The following CUL4B variants were observed in gnomAD, a reference collection of about 807,000 sequenced individuals.
CUL4B encodes the protein cullin 4B.
Under a neutral mutation model 69.2 loss-of-function variants are expected in CUL4B, and 1 was observed. That is an observed-to-expected ratio of 0.01 (90% CI 0.01 to 0.07). The LOEUF (loss-of-function observed/expected upper bound fraction) is 0.07, where lower values mean the gene tolerates loss of function less well. Among genes scored for constraint, CUL4B ranks in the 10% least tolerant of loss-of-function variants. The pLI, the probability that CUL4B is intolerant of heterozygous loss-of-function variation, is 1.00. For missense variants in CUL4B, 328 were observed against 638.8 expected (o/e 0.51, Z 5.24); for synonymous variants, 237 against 223.2 (o/e 1.06, Z -0.55).
exon 3 of CUL4B, chrX:120,571,261 C>T (rs1345242052): frequency 9.1e-6 from 1 of 110,358 alleles, no homozygotes; most frequent in Non-Finnish European, 1.9e-5. Context: ...ACACAAGTCG[C>T]CATAGTGTTT....
chrX:120,542,911 C>T (rs1924080440), intron 9 of CUL4B, 55 bp downstream of exon 9: 2 of 880,027 alleles, frequency 2.3e-6, no homozygotes. Context: ...AAATTCCCTA[C>T]TAGTTTGCCA....
upstream of CUL4B, among the ~76,000 whole-genome samples, chrX:120,566,369 A>ATGTATATATATATATATATATG (rs1187917327): frequency 5.3e-4 from 30 of 56,463 alleles, 1 homozygote; most frequent in African/African-American, 1.6e-3. Context: ...ATATATATAT[A>ATGTATATATATATATATATATG]TATATATATA....
chrX:120,566,371 A>ATG (rs1213048362), upstream of CUL4B, among the ~76,000 whole-genome samples: 4 of 60,031 alleles, frequency 6.7e-5, no homozygotes, highest in South Asian at 7.6e-4. Flanking sequence ...ATATATATAT[A>ATG]TATATATATA....
downstream of CUL4B, among the ~76,000 whole-genome samples, chrX:120,568,573 C>T (rs1925621777): frequency 8.9e-6 from 1 of 111,922 alleles, no homozygotes; most frequent in African/African-American, 3.2e-5. Context: ...TTTGGTCATT[C>T]AACAAAAATA....
chrX:120,542,435 CT>C (rs1924051044), intron 9 of CUL4B, among the ~76,000 whole-genome samples: 1 of 110,778 alleles, frequency 9.0e-6, no homozygotes, highest in Admixed American at 9.6e-5. Context: ...AGGCTTTTAC[CT>C]ATTTGCGGCA....
At chrX:120,530,339 A>G in intron 18 of CUL4B, 85 bp from the exon 19 acceptor site, 1 of 901,932 alleles carries the variant, frequency 1.1e-6, no homozygotes, top group Admixed American at 2.2e-5. Context: ...GGGACATGAC[A>G]TTGTTATTGC....
chrX:120,560,703 TAGGAG>T lies in CUL4B; in HGVS notation c.-70_-66del. 2 of 1,169,506 alleles carry T rather than the reference TAGGAG, an allele frequency of 1.7e-6. No homozygotes were observed. The highest frequency in any genetic ancestry group is 2.3e-6 in the Non-Finnish European group (2 of 882,138). The stretch of plus-strand genomic sequence containing the variant: ...CTACGTTTATATGCCTGCGTGCGTG[TAGGAG>T]AGAAGGTAGCAATGCTAGAGGGGGA... On this transcript the variant is annotated 5_prime_UTR_variant, in exon 1 of 20. Transcript: ENST00000371322.
chrX:120,535,367 T>G (rs772905667), intron 16 of CUL4B, among the ~76,000 whole-genome samples: 1 of 110,630 alleles, frequency 9.0e-6, no homozygotes, highest in African/African-American at 3.3e-5. Flanking sequence ...TATGACAAAC[T>G]ATCACTGTCA....
At chrX:120,551,028 C>G in intron 2 of CUL4B, among the ~76,000 whole-genome samples, 1 of 111,138 alleles carries the variant, frequency 9.0e-6, no homozygotes. Flanking sequence ...TGAGACTTCT[C>G]ACTACATGCT....
chrX:120,539,425 T>C lies in CUL4B; in HGVS notation c.1637-53A>G, dbSNP rs182530263. The C allele has an allele frequency of 2.0e-4, 141 of 707,536 alleles. No individual in the cohort carries two copies. The Middle Eastern group carries it at 6.2e-3, about 31-fold the overall frequency. 58.3% of individuals were successfully genotyped at this position (707,536 alleles called of 1,213,427 possible). ...AATAACCGGGGAATACACGAGGTAC[T>C]GGGCACTATATATACCCAAAGAGGA... On this transcript the variant is annotated intron_variant, in intron 11 of 19. Transcript: ENST00000371322.
intron 19 of CUL4B, 149 bp from the exon 20 acceptor site, chrX:120,527,005 A>G: frequency 3.1e-6 from 1 of 321,798 alleles, no homozygotes; most frequent in Non-Finnish European, 5.5e-6. Flanking sequence ...TCTTTTTTAG[A>G]GAAAAGTATC....
At chrX:120,528,216 G>A (rs1923101901) in intron 19 of CUL4B, among the ~76,000 whole-genome samples, 1 of 107,856 alleles carries the variant, frequency 9.3e-6, no homozygotes, top group East Asian at 2.9e-4. Flanking sequence ...AGACCAGACT[G>A]GCTAACATGG....
chrX:120,574,590 C>A, exon 2 of CUL4B: 1 of 1,208,112 alleles, frequency 8.3e-7, no homozygotes, highest in South Asian at 1.8e-5. Flanking sequence ...TCATTCCCAT[C>A]TCCTGATCCA....
chrX:120,536,727 G>A (rs1923694442), intron 15 of CUL4B, among the ~76,000 whole-genome samples, 200 bp downstream of exon 15: 1 of 111,957 alleles, frequency 8.9e-6, no homozygotes, highest in Non-Finnish European at 1.9e-5. Context: ...CAAGCCTGGT[G>A]ACTTACACCT....
At position 120,545,347 on chromosome X, in the gene CUL4B, T is replaced by C. The variant is rs1042471947; in HGVS notation, c.920+97A>G. The C allele has an allele frequency of 9.6e-6, 6 of 625,361 alleles. No homozygotes were observed. In the Admixed American group the frequency reaches 1.4e-4, roughly 15 times the overall value. 51.5% of individuals were successfully genotyped at this position (625,361 alleles called of 1,213,427 possible). On this transcript the variant is annotated intron_variant, in intron 5 of 19. Coordinates refer to ENST00000371322, the MANE Select transcript of CUL4B (RefSeq NM_001079872.2). ...AAGTCTAGAACCAAATGTGAATTTT[T>C]AGAATATTCACAGTATAGCTTATAC...
intron 2 of CUL4B, among the ~76,000 whole-genome samples, chrX:120,551,484 G>A (rs935337686): frequency 1.8e-5 from 2 of 111,047 alleles, no homozygotes; most frequent in Non-Finnish European, 3.8e-5. Flanking sequence ...ACATGCATGA[G>A]CCACCTTGGC....
upstream of CUL4B, among the ~76,000 whole-genome samples, chrX:120,562,907 C>G (rs1241172427): frequency 8.9e-6 from 1 of 111,920 alleles, no homozygotes; most frequent in African/African-American, 3.3e-5. Flanking sequence ...GCAAGCAGAG[C>G]TTTTACAAAC....
rs972414636 is a variant in CUL4B, at chrX:120,524,242, C to A, written c.*2519G>T. 9.9e-5 allele frequency among the ~76,000 whole-genome samples: 11 copies of A among 111,572 alleles called. No homozygotes were observed. Among genetic ancestry groups the A allele is most frequent in the African/African-American group, 3.6e-4 (11 of 30,727 alleles). On this transcript the variant is annotated 3_prime_UTR_variant, in exon 20 of 20. Coordinates refer to ENST00000371322, the MANE Select transcript of CUL4B (RefSeq NM_001079872.2). Reference sequence around the variant, plus strand: ...CTCAAAAAACTATTAACAGAAAAGGCAGAGCAAATGCCATAACTAAGAGTA... The same window carrying A: ...CTCAAAAAACTATTAACAGAAAAGGAAGAGCAAATGCCATAACTAAGAGTA...
chrX:120,532,388 G>A (rs1458592127), intron 18 of CUL4B, 34 bp downstream of exon 18: 7 of 1,079,795 alleles, frequency 6.5e-6, no homozygotes, highest in Non-Finnish European at 9.0e-6. Flanking sequence ...TATAATTCCA[G>A]TGTGTTAGGA....
Sources: gnomAD v4.1 joint callset for allele counts (sites outside exome capture counted in the v4.1 genomes callset) on GRCh38, gnomAD v4.1.1 for gene constraint, MANE v1.5 for transcripts, NCBI Gene and HGNC (gene_info 2026-07-23, HGNC 2026-07-21) for gene names.